Variants in MGMT observed in about 807,000 individuals in gnomAD.
MGMT encodes O-6-methylguanine-DNA methyltransferase, also known as methylated-DNA--protein-cysteine methyltransferase.
A neutral mutation model predicts 15.9 loss-of-function variants in MGMT; 14 were observed. That is an observed-to-expected ratio of 0.88 (90% CI 0.58 to 1.37). The LOEUF is 1.37. MGMT is among the 40% of genes most tolerant of loss of function. The pLI, the probability that MGMT is intolerant of heterozygous loss-of-function variation, is 0.00. For missense variants in MGMT, 282 were observed against 268.1 expected (o/e 1.05, Z -0.36); for synonymous variants, 130 against 118.2 (o/e 1.10, Z -0.65).
At chr10:129,682,177 C>A (rs1284190875) in intron 2 of MGMT, among the ~76,000 whole-genome samples, 1 of 152,088 alleles carries the variant, frequency 6.6e-6, no homozygotes, top group African/African-American at 2.4e-5. Flanking sequence ...TATGTCCACA[C>A]AAAAACTGTA....
intron 2 of MGMT, among the ~76,000 whole-genome samples, chr10:129,632,509 C>G (rs138263496): frequency 6.6e-6 from 1 of 152,316 alleles, no homozygotes; most frequent in Non-Finnish European, 1.5e-5. Context: ...TGAAATCACC[C>G]TGATTGAAGA....
intron 2 of MGMT, among the ~76,000 whole-genome samples, chr10:129,541,397 C>G (rs752132850): frequency 4.6e-5 from 7 of 152,252 alleles, no homozygotes; most frequent in Admixed American, 3.9e-4. Context: ...GCCATCTTCC[C>G]GCAGCTGCAG....
chr10:129,627,429 AAG>A (rs56234997), intron 2 of MGMT, among the ~76,000 whole-genome samples: 61,305 of 151,536 alleles, frequency 0.4, 13,535 homozygotes, highest in East Asian at 0.62. Flanking sequence ...AAAAGAAAGA[AAG>A]AAAAAAGCAG....
chr10:129,766,682 C>G, intron 4 of MGMT, 106 bp from the exon 5 acceptor site: 1 of 1,047,324 alleles, frequency 9.5e-7, no homozygotes. Flanking sequence ...GCACAGGCCC[C>G]TGCTTGGTGG....
chr10:129,611,779 G>A (rs982266655), intron 2 of MGMT, among the ~76,000 whole-genome samples: 4 of 152,182 alleles, frequency 2.6e-5, no homozygotes, highest in African/African-American at 7.2e-5. Context: ...CTTCTCCCTC[G>A]AGAGCAGCGG....
At chr10:129,548,705 G>A (rs1157650305) in intron 2 of MGMT, among the ~76,000 whole-genome samples, 1 of 152,218 alleles carries the variant, frequency 6.6e-6, no homozygotes, top group Non-Finnish European at 1.5e-5. Flanking sequence ...GGTGCTGGGG[G>A]CAGTGGGGAG....
chr10:129,651,422 G>A (rs986832529), intron 2 of MGMT, among the ~76,000 whole-genome samples: 2 of 151,686 alleles, frequency 1.3e-5, no homozygotes, highest in Non-Finnish European at 2.9e-5. Flanking sequence ...AAAAAAAAAA[G>A]CATTTTATAG....
At chr10:129,668,785 A>T (rs1048461810) in intron 2 of MGMT, among the ~76,000 whole-genome samples, 8 of 152,194 alleles carry the variant, frequency 5.3e-5, no homozygotes, top group African/African-American at 1.7e-4. Flanking sequence ...AGTAATTTTT[A>T]AAAGAACTTT....
chr10:129,592,801 C>CTTT (rs56012994), intron 2 of MGMT, among the ~76,000 whole-genome samples: 5 of 147,058 alleles, frequency 3.4e-5, no homozygotes, highest in Admixed American at 3.4e-4. Flanking sequence ...TTAATTAATC[C>CTTT]TTTTTTTTTT....
chr10:129,724,597 A>T (rs1313722273), intron 3 of MGMT, among the ~76,000 whole-genome samples: 1 of 152,218 alleles, frequency 6.6e-6, no homozygotes. Flanking sequence ...TCTTAATGGT[A>T]TATGTGCTGA....
intron 2 of MGMT, among the ~76,000 whole-genome samples, chr10:129,586,555 C>G (rs1846620417): frequency 6.6e-6 from 1 of 152,184 alleles, no homozygotes; most frequent in South Asian, 2.1e-4. Context: ...CATGTTGTTG[C>G]ATGTGTCAGC....
intron 1 of MGMT, among the ~76,000 whole-genome samples, chr10:129,508,361 G>C (rs539794458): frequency 6.6e-6 from 1 of 152,094 alleles, no homozygotes; most frequent in Non-Finnish European, 1.5e-5. Flanking sequence ...GAGAGGAGTC[G>C]TAGGGCTGGA....
At chr10:129,722,281 C>T (rs778804169) in intron 3 of MGMT, among the ~76,000 whole-genome samples, 2 of 151,890 alleles carry the variant, frequency 1.3e-5, no homozygotes, top group Non-Finnish European at 2.9e-5. Context: ...AAAACAGTTG[C>T]TTTATGTATT....
intron 1 of MGMT, among the ~76,000 whole-genome samples, chr10:129,535,019 A>G (rs577264946): frequency 6.6e-6 from 1 of 152,290 alleles, no homozygotes; most frequent in African/African-American, 2.4e-5. Context: ...TCTCAATAAA[A>G]CTTTATTTAC....
At chr10:129,501,366 T>G (rs1047612196) in intron 1 of MGMT, among the ~76,000 whole-genome samples, 4 of 152,196 alleles carry the variant, frequency 2.6e-5, no homozygotes, top group Admixed American at 6.5e-5. Context: ...GGGACAGCAG[T>G]CATCCCTTTC....
chr10:129,528,369 G>A (rs551009631), intron 1 of MGMT, among the ~76,000 whole-genome samples: 78 of 152,160 alleles, frequency 5.1e-4, no homozygotes, highest in African/African-American at 6.5e-4. Flanking sequence ...GGAGAGCTGC[G>A]GTGGTGTAGT....
At position 129,607,749 on chromosome 10, in the gene MGMT, A is replaced by G. The variant is rs191594242; in HGVS notation, c.125+71372A>G. Among the ~76,000 whole-genome samples, 8 of 152,358 alleles carry G rather than the reference A, an allele frequency of 5.3e-5. No homozygotes were observed. In the South Asian group the frequency reaches 1.2e-3, roughly 24 times the overall value. On this transcript the variant is annotated intron_variant, in intron 2 of 4. Transcript: ENST00000651593. The stretch of plus-strand genomic sequence containing the variant: ...CACCATGGTCCAGTGCGAATTTCTG[A>G]TGAAATTACAGGTGCAGGGAAATGC...
intron 1 of MGMT, among the ~76,000 whole-genome samples, chr10:129,492,604 G>C (rs1336815028): frequency 6.6e-6 from 1 of 152,166 alleles, no homozygotes; most frequent in South Asian, 2.1e-4. Flanking sequence ...GCCACCCAGA[G>C]CTTCCCTGGT....
At chr10:129,638,446 G>GAAAAAAAAAAAAAAAAAAAAA (rs1157292152) in intron 2 of MGMT, among the ~76,000 whole-genome samples, 4 of 96,308 alleles carry the variant, frequency 4.2e-5, no homozygotes, top group Non-Finnish European at 6.2e-5. Context: ...AAAAAAAAAA[G>GAAAAAAAAAAAAAAAAAAAAA]AAAAAAAAAA....
Sources: allele counts gnomAD v4.1 joint callset (sites outside exome capture counted in the v4.1 genomes callset), GRCh38; gene constraint gnomAD v4.1.1; transcripts MANE v1.5; gene names NCBI Gene and HGNC (gene_info 2026-07-23, HGNC 2026-07-21).